KPNB1: variants seen among roughly 807,000 people sequenced by gnomAD.
The protein encoded by KPNB1 is karyopherin subunit beta 1.
KPNB1 carries 7 observed loss-of-function variants against 113.0 expected under a neutral mutation model. That is an observed-to-expected ratio of 0.06 (90% CI 0.04 to 0.12). The LOEUF (loss-of-function observed/expected upper bound fraction) is 0.12. KPNB1 is among the 10% of genes least tolerant of loss of function. The probability of loss-of-function intolerance (pLI) is 1.00; values close to 1 mark genes in which losing one functional copy is unlikely to be tolerated. For synonymous variants in KPNB1, 363 were observed against 378.6 expected (o/e 0.96, Z 0.48); for missense variants, 400 against 1,054.8 (o/e 0.38, Z 8.60).
At chr17:47,672,359 T>C (rs919451697) in intron 12 of KPNB1, among the ~76,000 whole-genome samples, 23 of 152,124 alleles carry the variant, frequency 1.5e-4, no homozygotes, top group African/African-American at 5.6e-4. Flanking sequence ...TTTGAGATTA[T>C]ATATGAAGAC....
At chr17:47,681,027 GAGA>G (rs2030755199) in intron 21 of KPNB1, among the ~76,000 whole-genome samples, 1 of 151,718 alleles carries the variant, frequency 6.6e-6, no homozygotes, top group Admixed American at 6.6e-5. Flanking sequence ...CCTAGCTCTA[GAGA>G]AGATTTCCAA....
intron 3 of KPNB1, among the ~76,000 whole-genome samples, chr17:47,656,521 CT>C (rs1322047093): frequency 6.6e-6 from 1 of 150,924 alleles, no homozygotes; most frequent in African/African-American, 2.4e-5. Flanking sequence ...CCCTGGACAA[CT>C]GACTGAGGCC....
intron 13 of KPNB1, 114 bp from the exon 14 acceptor site, chr17:47,673,376 G>C: frequency 1.0e-6 from 1 of 993,470 alleles, no homozygotes; most frequent in South Asian, 1.4e-5. Context: ...TGTATTATGG[G>C]TTTTTTGTTG....
intron 2 of KPNB1, chr17:47,651,475 A>G: frequency 5.0e-6 from 2 of 398,762 alleles, no homozygotes; most frequent in Non-Finnish European, 6.8e-6. Flanking sequence ...CTTATTTTAT[A>G]CAGACTGCCT....
chr17:47,676,975 A>C (rs746917842), intron 16 of KPNB1, 45 bp from the exon 17 acceptor site: 13 of 1,421,880 alleles, frequency 9.1e-6, no homozygotes, highest in Middle Eastern at 3.5e-4. Context: ...TTGCCCCAGC[A>C]GGCAGCCTTT....
intron 19 of KPNB1, among the ~76,000 whole-genome samples, chr17:47,679,236 T>C (rs910802007): frequency 4.6e-5 from 7 of 152,080 alleles, no homozygotes; most frequent in African/African-American, 1.7e-4. Flanking sequence ...CTCTGCTTCT[T>C]TTTCTCATAT....
rs1220708651 is a variant in KPNB1, at chr17:47,650,561, T to TCCCCC, written c.99+119_99+123dup. On this transcript the variant is annotated intron_variant, in intron 2 of 21. Coordinates refer to ENST00000290158, the MANE Select transcript of KPNB1 (RefSeq NM_002265.6). The stretch of plus-strand genomic sequence containing the variant: ...CCTACCCCGCCCCATCCCGTCCCCC[T>TCCCCC]CCCCCCTCCCCCTCCCCCCCCAACC... 14 of 405,878 alleles carry TCCCCC rather than the reference T, an allele frequency of 3.4e-5. No individual in the cohort carries two copies. In the African/African-American group the frequency reaches 4.3e-4, roughly 12 times the overall value. 25.1% of individuals were successfully genotyped at this position (405,878 alleles called of 1,614,324 possible).
At chr17:47,669,020 C>CT (rs76975491) in intron 10 of KPNB1, among the ~76,000 whole-genome samples, 76,283 of 150,636 alleles carry the variant, frequency 0.51, 19,823 homozygotes, top group East Asian at 0.66. Context: ...AGAATTCAGT[C>CT]TTCAGTCTTT....
At chr17:47,674,920 G>A in intron 15 of KPNB1, 138 bp downstream of exon 15, 1 of 820,140 alleles carries the variant, frequency 1.2e-6, no homozygotes, top group Non-Finnish European at 1.9e-6. Flanking sequence ...GGGCTCACAT[G>A]ATCCTTCCAC....
At chr17:47,676,589 T>A in intron 16 of KPNB1, 98 bp downstream of exon 16, 1 of 872,012 alleles carries the variant, frequency 1.1e-6, no homozygotes, top group South Asian at 1.5e-5. Flanking sequence ...TAGTTTTTCC[T>A]GATACATTGT....
Position 47,656,787 on chromosome 17 carries a change from A to G in KPNB1, c.283-73A>G, listed in dbSNP as rs1285899349. 3.6e-6 allele frequency: 5 copies of G among 1,406,130 alleles called. No homozygotes were observed. The East Asian group carries it at 9.2e-5, about 26-fold the overall frequency. The allele number at this position is 1,406,130 out of a possible 1,614,324, so 87.1% of individuals were successfully genotyped here. On this transcript the variant is annotated intron_variant, in intron 3 of 21. Transcript: ENST00000290158. ...AAAAAGAATTCAGAGACACTAATATAAGTATGGTGGTGGGCAAAATGTGGT... is the reference window on the plus strand; with the variant it reads ...AAAAAGAATTCAGAGACACTAATATGAGTATGGTGGTGGGCAAAATGTGGT...
Position 47,650,138 on chromosome 17 carries a change from C to A in KPNB1, c.-107C>A, listed in dbSNP as rs1915486716. The A allele has an allele frequency of 1.3e-6, 1 of 756,320 alleles. No individual in the cohort carries two copies. Among genetic ancestry groups the A allele is most frequent in the East Asian group, 9.3e-5 (1 of 10,804 alleles). The allele number at this position is 756,320 out of a possible 1,614,324, so 46.9% of individuals were successfully genotyped here. On this transcript the variant is annotated 5_prime_UTR_variant, in exon 1 of 22. Coordinates refer to ENST00000290158, the MANE Select transcript of KPNB1 (RefSeq NM_002265.6). ...TTGTGGTGACCCCCGCCCCCCACCCCACCCTCCCTTCCCACCCGACCCCCA... is the reference window on the plus strand; with the variant it reads ...TTGTGGTGACCCCCGCCCCCCACCCAACCCTCCCTTCCCACCCGACCCCCA...
chr17:47,658,584 G>C lies in KPNB1; in HGVS notation c.560G>C (p.Ser187Thr). ...CAGGGGATGAGGAAAGAAGAGCCTA[G>C]TAATAATGTGAAGCTAGCTGCTACG... ...IIQGMRKEEP[S>T]NNVKLAATNA... is the part of the protein sequence containing the mutation. Residue 187 changes from serine (S) to threonine (T), a missense_variant, in exon 5 of 22, where the codon AGT becomes ACT. Physicochemically the swap from Ser to Thr is moderately conservative, Grantham distance 58. Transcript: ENST00000290158. The C allele has an allele frequency of 6.2e-7, 1 of 1,613,964 alleles. No homozygotes were observed. Among genetic ancestry groups the C allele is most frequent in the Non-Finnish European group, 8.5e-7 (1 of 1,180,010 alleles).
rs201367880 is a variant in KPNB1, at chr17:47,656,880, A to G, written c.303A>G (p.Thr101=). 18 of 1,614,244 alleles carry G rather than the reference A, an allele frequency of 1.1e-5. No homozygotes were observed. The Admixed American group carries it at 2.8e-4, about 25-fold the overall frequency. ...TGCAGGTTTTGCAGACATTGGGTAC[A>G]GAAACTTACCGGCCTAGTTCTGCCT... ...VKNYVLQTLG[T]ETYRPSSASQ... is the part of the protein sequence containing the mutation. The change falls in exon 4 of 22, where the codon ACA becomes ACG. Residue 101 remains threonine, a synonymous_variant. Coordinates refer to ENST00000290158, the MANE Select transcript of KPNB1 (RefSeq NM_002265.6).
chr17:47,679,882 A>G (rs2030721384), intron 19 of KPNB1, 138 bp from the exon 20 acceptor site: 2 of 595,914 alleles, frequency 3.4e-6, no homozygotes. Flanking sequence ...TATTTTTAGT[A>G]GAGACGGGGT....
rs2030828416 is a variant in KPNB1 at position 47,682,964 on chromosome 17, G to A, written c.*560G>A. 6.5e-6 allele frequency: 1 copy of A among 154,006 alleles called. No individual in the cohort carries two copies. The highest frequency in any genetic ancestry group is 1.5e-5 in the Non-Finnish European group (1 of 68,956). 9.5% of individuals were successfully genotyped at this position (154,006 alleles called of 1,614,324 possible). ...ACAGTCTGAGAATGAGTGTGTGTGA[G>A]TGAGGCGGTATCCACATTCTCAACT... is the stretch of plus-strand genomic sequence containing the variant. On this transcript the variant is annotated 3_prime_UTR_variant, in exon 22 of 22. Coordinates refer to ENST00000290158, the MANE Select transcript of KPNB1 (RefSeq NM_002265.6).
chr17:47,655,331 G>A (rs1414209416), intron 3 of KPNB1, among the ~76,000 whole-genome samples: 2 of 152,164 alleles, frequency 1.3e-5, no homozygotes, highest in East Asian at 3.8e-4. Context: ...AGCGAGACAT[G>A]TTTAATGACA....
intron 21 of KPNB1, among the ~76,000 whole-genome samples, chr17:47,681,686 G>GTTTTTTTTTTT (rs59222945): frequency 5.1e-3 from 493 of 96,056 alleles, no homozygotes; most frequent in African/African-American, 6.5e-3. Context: ...GGAATTATAG[G>GTTTTTTTTTTT]TTTTTTTTTT....
rs906297072 is a variant in KPNB1, at chr17:47,685,050, G to A, written c.*2646G>A. The stretch of plus-strand genomic sequence containing the variant: ...TGCAAATGTGAAGATAATGGGCATC[G>A]GACTAGGCTTTGGTTTGCCACAAGT... On this transcript the variant is annotated 3_prime_UTR_variant, in exon 22 of 22. Coordinates refer to ENST00000290158, the MANE Select transcript of KPNB1 (RefSeq NM_002265.6). 1.3e-5 allele frequency: 2 copies of A among 152,122 alleles called. No individual in the cohort carries two copies. The highest frequency in any genetic ancestry group is 2.4e-5 in the African/African-American group (1 of 41,398). The allele number at this position is 152,122 out of a possible 1,614,324, so 9.4% of individuals were successfully genotyped here.
Sources: gnomAD v4.1 joint callset for allele counts (sites outside exome capture counted in the v4.1 genomes callset) on GRCh38, gnomAD v4.1.1 for gene constraint, MANE v1.5 for transcripts, NCBI Gene and HGNC (gene_info 2026-07-23, HGNC 2026-07-21) for gene names.